The following WDR17 variants were observed in gnomAD, a reference collection of about 807,000 sequenced individuals.
The protein encoded by WDR17 is WD repeat-containing protein 17.
A neutral mutation model predicts 161.7 loss-of-function variants in WDR17; 143 were observed. The ratio of observed to expected loss-of-function variants is 0.88; its 90% CI spans 0.77 to 1.02. The LOEUF is 1.02. WDR17 is among the 50% of genes least tolerant of loss of function. The pLI, the probability that WDR17 is intolerant of heterozygous loss-of-function variation, is 0.00. For missense variants in WDR17, 1,469 were observed against 1,520.9 expected, an observed-to-expected ratio of 0.97 and a Z score of 0.57; for synonymous variants, 517 against 515.6, an observed-to-expected ratio of 1.00 and a Z score of -0.04.
intron 1 of WDR17, among the ~76,000 whole-genome samples, chr4:176,095,134 G>T (rs574702410): frequency 5.3e-5 from 8 of 152,166 alleles, no homozygotes; most frequent in African/African-American, 1.9e-4. Context: ...CTGATGGCAG[G>T]ACTTAGATAA....
intron 18 of WDR17, among the ~76,000 whole-genome samples, chr4:176,157,057 T>A (rs1748258966): frequency 6.6e-6 from 1 of 152,168 alleles, no homozygotes; most frequent in African/African-American, 2.4e-5. Flanking sequence ...CCATATATGG[T>A]TACATTCACA....
rs1431925560 is a variant in WDR17 at position 176,119,934 on chromosome 4, C to T, written c.375C>T (p.Gly125=). ...EDVVAFVSHR[G]PLFIWTISGP... is the part of the protein sequence containing the mutation. ...TGGTGGCATTTGTTTCCCACAGAGG[C>T]CCACTGTTCATTTGGACCATCTCAG... is the stretch of plus-strand genomic sequence containing the variant. Residue 125 remains glycine, a synonymous_variant, in exon 4 of 29, where the codon GGC becomes GGT. Transcript: ENST00000508596. 1 of 1,613,918 alleles carries T rather than the reference C, an allele frequency of 6.2e-7. No individual in the cohort carries two copies. Among genetic ancestry groups the T allele is most frequent in the South Asian group, 1.1e-5 (1 of 91,072 alleles).
rs542136830 is a variant in WDR17 at position 176,134,127 on chromosome 4, T to G, written c.1099-981T>G. ...ACTTCTTGCTAACCCTTGAGATTTT[T>G]CTTTCCTTTACCTCCACCTAAAGGA... is the stretch of plus-strand genomic sequence containing the variant. On this transcript the variant is annotated intron_variant, in intron 7 of 28. Coordinates refer to ENST00000508596, the MANE Select transcript of WDR17 (RefSeq NM_181265.4). Among the ~76,000 whole-genome samples, 21 of 151,860 alleles carry G rather than the reference T, an allele frequency of 1.4e-4. No individual in the cohort carries two copies. In the South Asian group the frequency reaches 2.1e-3, roughly 15 times the overall value.
chr4:176,086,623 T>C (rs1183101179), intron 1 of WDR17, among the ~76,000 whole-genome samples: 2 of 151,930 alleles, frequency 1.3e-5, no homozygotes, highest in African/African-American at 4.8e-5. Context: ...TTTCTTTTGG[T>C]TAATATTTGT....
intron 6 of WDR17, among the ~76,000 whole-genome samples, chr4:176,130,540 C>G (rs545087597): frequency 6.2e-4 from 95 of 152,040 alleles, no homozygotes; most frequent in South Asian, 1.2e-3. Flanking sequence ...GTCAGGAGAT[C>G]GAGACCATCC....
At chr4:176,157,319 G>A (rs1748312014) in intron 18 of WDR17, among the ~76,000 whole-genome samples, 1 of 152,176 alleles carries the variant, frequency 6.6e-6, no homozygotes, top group Non-Finnish European at 1.5e-5. Context: ...ACAAGGTTTA[G>A]TGGCAAAAAA....
At chr4:176,146,835 C>A (rs924213135) in intron 12 of WDR17, among the ~76,000 whole-genome samples, 4 of 151,562 alleles carry the variant, frequency 2.6e-5, no homozygotes, top group Admixed American at 2.6e-4. Flanking sequence ...GATATATTGT[C>A]GTGTGCAAGC....
intron 11 of WDR17, among the ~76,000 whole-genome samples, chr4:176,142,972 C>T (rs577711647): frequency 7.9e-5 from 12 of 152,238 alleles, no homozygotes; most frequent in Admixed American, 2.6e-4. Context: ...CTCCGCCTCC[C>T]GGGTTCAAGC....
rs1334955890 is a variant in WDR17 at position 176,147,439 on chromosome 4, T to G, written c.1695-694T>G. Among the ~76,000 whole-genome samples the G allele has an allele frequency of 3.3e-5, 5 of 152,318 alleles. No individual in the cohort carries two copies. The East Asian group carries it at 9.6e-4, about 29-fold the overall frequency. ...TTCACGAATCCAGTTATATTTAAAT[T>G]TTTTAACTTGATCTAAGATTTATTC... On this transcript the variant is annotated intron_variant, in intron 12 of 28. Coordinates refer to ENST00000508596, the MANE Select transcript of WDR17 (RefSeq NM_181265.4).
intron 28 of WDR17, 95 bp from the exon 29 acceptor site, chr4:176,179,364 GT>G (rs75391699): frequency 0.25 from 310,944 of 1,225,926 alleles, 38,438 homozygotes; most frequent in Admixed American, 0.41. Flanking sequence ...TAAATATTAT[GT>G]TTTTTTTTAT....
At chr4:176,106,423 A>G (rs374903062) in intron 1 of WDR17, among the ~76,000 whole-genome samples, 3 of 152,114 alleles carry the variant, frequency 2.0e-5, no homozygotes, top group East Asian at 3.9e-4. Flanking sequence ...CGAAATATCC[A>G]CATGCAAAAG....
At chr4:176,101,241 A>G (rs1737777128) in intron 1 of WDR17, among the ~76,000 whole-genome samples, 1 of 152,068 alleles carries the variant, frequency 6.6e-6, no homozygotes, top group South Asian at 2.1e-4. Flanking sequence ...TGTCCCACCT[A>G]AGCAGGGCTG....
intron 10 of WDR17, 47 bp from the exon 11 acceptor site, chr4:176,141,936 G>A (rs746549733): frequency 7.5e-7 from 1 of 1,335,680 alleles, no homozygotes; most frequent in Non-Finnish European, 1.0e-6. Flanking sequence ...CTTGAATAAT[G>A]TATTTAGAGT....
chr4:176,157,621 T>C (rs1413840229), intron 18 of WDR17, among the ~76,000 whole-genome samples: 1 of 152,212 alleles, frequency 6.6e-6, no homozygotes, highest in Non-Finnish European at 1.5e-5. Context: ...TCACAAAATA[T>C]TATTTCAATC....
At chr4:176,126,528 A>C (rs922846) in intron 5 of WDR17, among the ~76,000 whole-genome samples, 145,367 of 152,232 alleles carry the variant, frequency 0.95, 69,777 homozygotes, top group East Asian at 1. Context: ...GTTCTGCATC[A>C]GTGGATTGAA....
At chr4:176,077,910 G>C (rs1042803190) in intron 1 of WDR17, among the ~76,000 whole-genome samples, 2 of 151,962 alleles carry the variant, frequency 1.3e-5, no homozygotes, top group African/African-American at 4.8e-5. Flanking sequence ...TCTTTTTCTA[G>C]TAGTGCCCAT....
At chr4:176,176,874 T>C (rs370573691) in intron 26 of WDR17, among the ~76,000 whole-genome samples, 184 bp from the exon 27 acceptor site, 5 of 152,216 alleles carry the variant, frequency 3.3e-5, no homozygotes, top group Admixed American at 2.6e-4. Context: ...CCAGGGACTG[T>C]GCTAAATATA....
At chr4:176,083,163 C>T (rs1734973596) in intron 1 of WDR17, among the ~76,000 whole-genome samples, 1 of 144,464 alleles carries the variant, frequency 6.9e-6, no homozygotes, top group Non-Finnish European at 1.6e-5. Flanking sequence ...TTATATTACC[C>T]TAATGCAAGT....
chr4:176,165,706 T>C (rs536371920), intron 22 of WDR17, among the ~76,000 whole-genome samples: 9 of 152,346 alleles, frequency 5.9e-5, no homozygotes, highest in South Asian at 2.1e-4. Flanking sequence ...TAAAGGTCTT[T>C]ATCTACATCT....
Sources: allele counts gnomAD v4.1 joint callset (sites outside exome capture counted in the v4.1 genomes callset), GRCh38; gene constraint gnomAD v4.1.1; transcripts MANE v1.5; gene names NCBI Gene and HGNC (gene_info 2026-07-23, HGNC 2026-07-21).